Variants in WWOX observed in about 807,000 individuals in gnomAD.
WWOX encodes the protein WW domain-containing oxidoreductase.
Under a neutral mutation model 46.2 loss-of-function variants are expected in WWOX, and 69 were observed. The observed-to-expected ratio is 1.49, with a 90% CI of 1.23 to 1.82. The LOEUF (loss-of-function observed/expected upper bound fraction) is 1.82, where lower values mean the gene tolerates loss of function less well. Among genes scored for constraint, WWOX ranks in the 40% most tolerant of loss-of-function variants. The pLI is 0.00. For missense variants in WWOX, 919 were observed against 542.6 expected, an observed-to-expected ratio of 1.69 and a Z score of -6.89; for synonymous variants, 359 against 202.6, an observed-to-expected ratio of 1.77 and a Z score of -6.56.
chr16:79,127,443 C>T (rs2049782285), intron 8 of WWOX, among the ~76,000 whole-genome samples: 1 of 152,106 alleles, frequency 6.6e-6, no homozygotes, highest in South Asian at 2.1e-4. Flanking sequence ...TAAATTATTT[C>T]TTCATTTTTT....
chr16:78,884,948 C>G (rs149369362), intron 8 of WWOX, among the ~76,000 whole-genome samples: 10 of 152,284 alleles, frequency 6.6e-5, no homozygotes, highest in Admixed American at 2.0e-4. Context: ...TCATGTTACC[C>G]AGTCATTAAT....
At chr16:79,110,065 G>C (rs1231725083) in intron 8 of WWOX, among the ~76,000 whole-genome samples, 4 of 152,156 alleles carry the variant, frequency 2.6e-5, no homozygotes, top group African/African-American at 9.7e-5. Flanking sequence ...GTGTGATCCT[G>C]TTATTGGGCT....
In WWOX at chr16:78,220,283, A is replaced by ACCTTATGT. The variant is rs572410842; in HGVS notation, c.516+55996_516+56003dup. ...CAGTTATGTGATGGATACTTCTATT[A>ACCTTATGT]CCTTATGTCTTTCTGATTTCATACA... On this transcript the variant is annotated intron_variant, in intron 5 of 8. Transcript: ENST00000566780. 9.9e-5 allele frequency among the ~76,000 whole-genome samples: 15 copies of ACCTTATGT among 152,212 alleles called. No individual in the cohort carries two copies. In the East Asian group the frequency reaches 2.9e-3, roughly 29 times the overall value.
intron 8 of WWOX, among the ~76,000 whole-genome samples, chr16:78,841,262 A>G (rs1027520702): frequency 1.1e-4 from 16 of 152,182 alleles, no homozygotes; most frequent in African/African-American, 3.9e-4. Context: ...CCATCTTGAA[A>G]CATCATGCAG....
Position 78,347,221 on chromosome 16 carries a change from C to T in WWOX, c.517-39639C>T, listed in dbSNP as rs184155864. ...TTCCCCCGCCCCCTCCATTCTCTTT[C>T]CATCCTTTAAATGTCAGTGTCCCCC... On this transcript the variant is annotated intron_variant, in intron 5 of 8. Coordinates refer to ENST00000566780, the MANE Select transcript of WWOX (RefSeq NM_016373.4). Among the ~76,000 whole-genome samples the T allele has an allele frequency of 1.9e-3, 222 of 114,696 alleles. 43 individuals carry two copies. The highest frequency in any genetic ancestry group is 6.1e-3 in the African/African-American group (204 of 33,678). The allele number at this position is 114,696 out of a possible 152,430, so 75.2% of individuals were successfully genotyped here.
At chr16:79,194,457 G>T (rs892033696) in intron 8 of WWOX, among the ~76,000 whole-genome samples, 2 of 152,160 alleles carry the variant, frequency 1.3e-5, no homozygotes, top group African/African-American at 4.8e-5. Context: ...ATGAAGAAAG[G>T]TTCTGGTTAT....
chr16:78,204,213 C>T (rs1020932655), intron 5 of WWOX, among the ~76,000 whole-genome samples: 1 of 152,024 alleles, frequency 6.6e-6, no homozygotes, highest in East Asian at 1.9e-4. Context: ...GTGGGCAGAC[C>T]CTCCAGCCTT....
intron 8 of WWOX, among the ~76,000 whole-genome samples, chr16:78,813,262 T>C (rs1035582029): frequency 6.6e-6 from 1 of 152,178 alleles, no homozygotes; most frequent in African/African-American, 2.4e-5. Context: ...ATTTTTCATT[T>C]AATTTTTTTT....
intron 8 of WWOX, among the ~76,000 whole-genome samples, chr16:78,766,552 C>T (rs1346607295): frequency 6.6e-6 from 1 of 152,160 alleles, no homozygotes; most frequent in African/African-American, 2.4e-5. Flanking sequence ...TGTGCTGTTG[C>T]ACTCCAGCCT....
chr16:78,537,507 C>T (rs1397098142), intron 8 of WWOX, among the ~76,000 whole-genome samples: 1 of 152,126 alleles, frequency 6.6e-6, no homozygotes, highest in Non-Finnish European at 1.5e-5. Context: ...TCATCATTAT[C>T]ATATGATTTA....
intron 8 of WWOX, among the ~76,000 whole-genome samples, chr16:79,008,232 T>G (rs912580622): frequency 6.6e-6 from 1 of 152,150 alleles, no homozygotes; most frequent in Non-Finnish European, 1.5e-5. Flanking sequence ...ACAGATGACC[T>G]CACAACATGA....
In WWOX at chr16:78,126,002, A is replaced by G. The variant is rs182683551; in HGVS notation, c.409+10848A>G. The stretch of plus-strand genomic sequence containing the variant: ...AATTCTTACCAGTTAGAAGTATACT[A>G]TTAATATTTAGCATGTATGATTGTA... On this transcript the variant is annotated intron_variant, in intron 4 of 8. Coordinates refer to ENST00000566780, the MANE Select transcript of WWOX (RefSeq NM_016373.4). 1.3e-3 allele frequency among the ~76,000 whole-genome samples: 203 copies of G among 152,306 alleles called. 1 individual carries two copies. Among genetic ancestry groups the G allele is most frequent in the African/African-American group, 4.7e-3 (196 of 41,548 alleles).
chr16:78,259,139 T>C (rs2038212390), intron 5 of WWOX, among the ~76,000 whole-genome samples: 1 of 152,224 alleles, frequency 6.6e-6, no homozygotes, highest in Non-Finnish European at 1.5e-5. Flanking sequence ...TGTCTGTTCA[T>C]ATAGTTCATC....
intron 8 of WWOX, among the ~76,000 whole-genome samples, chr16:78,904,016 A>G (rs1352758354): frequency 6.6e-6 from 1 of 152,128 alleles, no homozygotes; most frequent in African/African-American, 2.4e-5. Flanking sequence ...ATAATCATAT[A>G]TCATCAACAC....
intron 8 of WWOX, among the ~76,000 whole-genome samples, chr16:78,686,411 C>T (rs62036109): frequency 0.3 from 45,481 of 151,486 alleles, 8,282 homozygotes; most frequent in Admixed American, 0.45. Context: ...GTCGGGAGGC[C>T]GAGGCAGGAG....
At chr16:78,384,214 C>T (rs1567540033) in intron 5 of WWOX, among the ~76,000 whole-genome samples, 1 of 152,194 alleles carries the variant, frequency 6.6e-6, no homozygotes, top group Non-Finnish European at 1.5e-5. Flanking sequence ...CCCTCCACAG[C>T]ATAATGAATG....
chr16:79,150,853 C>A (rs528186271), intron 8 of WWOX, among the ~76,000 whole-genome samples: 1 of 152,086 alleles, frequency 6.6e-6, no homozygotes, highest in Non-Finnish European at 1.5e-5. Context: ...ATTGCGTAGG[C>A]CACTTGGAGT....
chr16:78,522,753 A>G (rs1309454934), intron 8 of WWOX, among the ~76,000 whole-genome samples: 1 of 152,218 alleles, frequency 6.6e-6, no homozygotes, highest in East Asian at 1.9e-4. Context: ...TGATAAAGTC[A>G]AGTCGAATAT....
chr16:78,353,096 C>G (rs954927367), intron 5 of WWOX, among the ~76,000 whole-genome samples: 3 of 147,382 alleles, frequency 2.0e-5, no homozygotes, highest in East Asian at 1.9e-4. Flanking sequence ...AAAATACTGT[C>G]TGTTTTCCTT....
Sources: allele counts gnomAD v4.1 joint callset (sites outside exome capture counted in the v4.1 genomes callset), GRCh38; gene constraint gnomAD v4.1.1; transcripts MANE v1.5; gene names NCBI Gene and HGNC (gene_info 2026-07-23, HGNC 2026-07-21).